Variants in SLC2A10 observed in about 807,000 individuals in gnomAD.
SLC2A10 encodes solute carrier family 2, facilitated glucose transporter member 10.
A neutral mutation model predicts 32.1 loss-of-function variants in SLC2A10; 25 were observed. The observed-to-expected ratio is 0.78, with a 90% CI of 0.57 to 1.09. The LOEUF (loss-of-function observed/expected upper bound fraction) is 1.09. SLC2A10 is among the 50% of genes least tolerant of loss of function. The probability of loss-of-function intolerance (pLI) is 0.00; values close to 1 mark genes in which losing one functional copy is unlikely to be tolerated. For missense variants in SLC2A10, 673 were observed against 686.5 expected (o/e 0.98, Z 0.22); for synonymous variants, 332 against 309.6 (o/e 1.07, Z -0.76).
rs1600652724 is a variant in SLC2A10 at position 46,709,928 on chromosome 20, C to T, written c.4+188C>T. On this transcript the variant is annotated intron_variant, in intron 1 of 4. Transcript: ENST00000359271. ...CGGGGGCTGGGACGGGGCTCGGTCG[C>T]GCTTCCTTCCATCTTCCTTTCTGCC... is the stretch of plus-strand genomic sequence containing the variant. The T allele has an allele frequency of 4.9e-6, 3 of 610,164 alleles. No homozygotes were observed. In the East Asian group the frequency reaches 1.0e-4, roughly 21 times the overall value. 37.8% of individuals were successfully genotyped at this position (610,164 alleles called of 1,614,324 possible).
chr20:46,717,028 A>AG (rs1030332326), intron 1 of SLC2A10, among the ~76,000 whole-genome samples: 2 of 152,212 alleles, frequency 1.3e-5, no homozygotes, highest in African/African-American at 2.4e-5. Flanking sequence ...CTAAAAAAAA[A>AG]GAAAAGAAAT....
At chr20:46,723,129 A>C (rs967799232) in intron 1 of SLC2A10, among the ~76,000 whole-genome samples, 1 of 152,310 alleles carries the variant, frequency 6.6e-6, no homozygotes. Context: ...GCTTACTGCC[A>C]TCAGGGACCC....
chr20:46,729,982 T>C (rs1220068695), intron 4 of SLC2A10, among the ~76,000 whole-genome samples: 2 of 152,168 alleles, frequency 1.3e-5, no homozygotes, highest in Non-Finnish European at 2.9e-5. Context: ...TGAGTTGTTT[T>C]GTGTCTCCCT....
At position 46,726,992 on chromosome 20, in the gene SLC2A10, T is replaced by A; in HGVS notation, c.1411+6T>A. On this transcript the variant is annotated splice_donor_region_variant and intron_variant, in intron 3 of 4. Coordinates refer to ENST00000359271, the MANE Select transcript of SLC2A10 (RefSeq NM_030777.4). ...CTCCTTCCTCGATCTCATTGGTGAG[T>A]CCTTCCCAGACAAGTCCGTTTTTTT... 6.2e-7 allele frequency: 1 copy of A among 1,614,208 alleles called. No individual in the cohort carries two copies. The highest frequency in any genetic ancestry group is 1.1e-5 in the South Asian group (1 of 91,084).
chr20:46,733,693 C>G, intron 4 of SLC2A10, 63 bp from the exon 5 acceptor site: 1 of 1,356,348 alleles, frequency 7.4e-7, no homozygotes, highest in Non-Finnish European at 1.1e-6. Context: ...GTGGAAGGTC[C>G]ACTCCCCAGG....
At chr20:46,732,693 G>T (rs1980358880) in intron 4 of SLC2A10, among the ~76,000 whole-genome samples, 1 of 151,568 alleles carries the variant, frequency 6.6e-6, no homozygotes, top group Non-Finnish European at 1.5e-5. Context: ...TTCACTCACT[G>T]CCCTGTTTCC....
chr20:46,735,840 C>T lies in SLC2A10; in HGVS notation c.*2006C>T, dbSNP rs921148814. 2 of 152,214 alleles carry T rather than the reference C, an allele frequency of 1.3e-5. No homozygotes were observed. The highest frequency in any genetic ancestry group is 2.4e-5 in the African/African-American group (1 of 41,444). 9.4% of individuals were successfully genotyped at this position (152,214 alleles called of 1,614,324 possible). A position where few individuals can be genotyped will look rare whatever the true frequency, so the allele number is the denominator to read the frequency against. On this transcript the variant is annotated 3_prime_UTR_variant, in exon 5 of 5. Coordinates refer to ENST00000359271, the MANE Select transcript of SLC2A10 (RefSeq NM_030777.4). ...CTTCCAGTAGTTGAACACTGTCATCCGTTTCAGCTGACAGCTGCTCAAATC... is the reference window on the plus strand; with the variant it reads ...CTTCCAGTAGTTGAACACTGTCATCTGTTTCAGCTGACAGCTGCTCAAATC...
chr20:46,726,574 G>C (rs533133815), intron 2 of SLC2A10, among the ~76,000 whole-genome samples: 1 of 152,104 alleles, frequency 6.6e-6, no homozygotes, highest in Non-Finnish European at 1.5e-5. Flanking sequence ...CTTAAAGCCC[G>C]GATAGCTCAC....
In SLC2A10 at chr20:46,725,803, C is replaced by T; in HGVS notation, c.767C>T (p.Thr256Ile). Reference protein sequence around the residue: ...GQPNVLCYASTIFSSVGFHGG... With the variant: ...GQPNVLCYASIIFSSVGFHGG... ...CCCAACGTGCTGTGCTATGCCTCCA[C>T]CATCTTCAGCTCCGTTGGTTTCCAT... The change falls in exon 2 of 5, where the codon ACC (threonine) becomes ATC (isoleucine). Residue 256 changes from threonine to isoleucine, a missense_variant. Physicochemically the swap from Thr to Ile is moderately conservative, Grantham distance 89 (BLOSUM62 -1). Coordinates refer to ENST00000359271, the MANE Select transcript of SLC2A10 (RefSeq NM_030777.4). 4 of 1,614,250 alleles carry T rather than the reference C, an allele frequency of 2.5e-6. No homozygotes were observed. The highest frequency in any genetic ancestry group is 3.4e-6 in the Non-Finnish European group (4 of 1,180,034).
upstream of SLC2A10, chr20:46,709,601 G>T (rs959409605): frequency 2.1e-5 from 23 of 1,114,124 alleles, no homozygotes; most frequent in African/African-American, 3.2e-4. Context: ...CGCTGCGCGC[G>T]GGAGGGCAGG....
At chr20:46,722,564 A>G (rs1009079562) in intron 1 of SLC2A10, among the ~76,000 whole-genome samples, 19 of 152,216 alleles carry the variant, frequency 1.2e-4, no homozygotes, top group African/African-American at 4.3e-4. Flanking sequence ...TTACTGTAGA[A>G]CAACTTGGTA....
intron 1 of SLC2A10, among the ~76,000 whole-genome samples, chr20:46,722,424 A>T (rs1181138098): frequency 2.0e-5 from 3 of 152,246 alleles, no homozygotes; most frequent in Non-Finnish European, 4.4e-5. Flanking sequence ...TTAATATATC[A>T]AGCTTTTAGC....
intron 1 of SLC2A10, among the ~76,000 whole-genome samples, chr20:46,721,843 A>G (rs1300006771): frequency 6.6e-6 from 1 of 152,154 alleles, no homozygotes; most frequent in Non-Finnish European, 1.5e-5. Context: ...GCTCATCCCT[A>G]TGTGTGGGTG....
In SLC2A10 at chr20:46,736,169, TAA is replaced by T. The variant is rs1980558500; in HGVS notation, c.*2337_*2338del. 1 of 151,888 alleles carries T rather than the reference TAA, an allele frequency of 6.6e-6. No individual in the cohort carries two copies. The highest frequency in any genetic ancestry group is 2.4e-5 in the African/African-American group (1 of 41,200). 9.4% of individuals were successfully genotyped at this position (151,888 alleles called of 1,614,324 possible). A position where few individuals can be genotyped will look rare whatever the true frequency, so the allele number is the denominator to read the frequency against. ...TATTTACAATAAAGAATATTTACAATAAAGAGTTTATTATTATTTGTAAGTTG... is the reference window on the plus strand; with the variant it reads ...TATTTACAATAAAGAATATTTACAATAGAGTTTATTATTATTTGTAAGTTG... On this transcript the variant is annotated 3_prime_UTR_variant, in exon 5 of 5. Transcript: ENST00000359271.
At chr20:46,709,134 C>T (rs1978752155), upstream of SLC2A10, among the ~76,000 whole-genome samples, 1 of 152,212 alleles carries the variant, frequency 6.6e-6, no homozygotes, top group Non-Finnish European at 1.5e-5. Context: ...TTCGGCCCAT[C>T]CCAAGCCTAG....
intron 1 of SLC2A10, among the ~76,000 whole-genome samples, chr20:46,712,651 C>CTT (rs11477202): frequency 0.01 from 958 of 94,432 alleles, 41 homozygotes; most frequent in African/African-American, 0.022. Context: ...TTCTTTCTTT[C>CTT]TTTTTTTTTT....
intron 1 of SLC2A10, among the ~76,000 whole-genome samples, chr20:46,717,495 C>T (rs1979317940): frequency 6.6e-6 from 1 of 152,128 alleles, no homozygotes; most frequent in African/African-American, 2.4e-5. Context: ...AATTGATTCT[C>T]CCACCTCAGC....
chr20:46,716,355 G>C (rs1979239438), intron 1 of SLC2A10, among the ~76,000 whole-genome samples: 1 of 151,976 alleles, frequency 6.6e-6, no homozygotes, highest in Non-Finnish European at 1.5e-5. Context: ...TTCTCATCAT[G>C]TTGGCCAGGC....
At chr20:46,715,494 G>A (rs1057009212) in intron 1 of SLC2A10, among the ~76,000 whole-genome samples, 4 of 152,188 alleles carry the variant, frequency 2.6e-5, no homozygotes, top group Admixed American at 1.3e-4. Flanking sequence ...AAAGGGGGGC[G>A]AAGACAGAGC....
Sources: allele counts gnomAD v4.1 joint callset (sites outside exome capture counted in the v4.1 genomes callset), GRCh38; gene constraint gnomAD v4.1.1; transcripts MANE v1.5; gene names NCBI Gene and HGNC (gene_info 2026-07-23, HGNC 2026-07-21).